The following KSR1 variants were observed in gnomAD, a reference collection of about 807,000 sequenced individuals.
The protein encoded by KSR1 is kinase suppressor of ras.
KSR1 carries 35 observed loss-of-function variants against 92.9 expected under a neutral mutation model. The observed-to-expected ratio is 0.38, with a 90% CI of 0.29 to 0.50. The LOEUF is 0.50. KSR1 is among the 20% of genes least tolerant of loss of function. The probability of loss-of-function intolerance (pLI) is 0.94; values close to 1 mark genes in which losing one functional copy is unlikely to be tolerated. For synonymous variants in KSR1, 467 were observed against 472.6 expected, an observed-to-expected ratio of 0.99 and a Z score of 0.15; for missense variants, 972 against 1,158.5, an observed-to-expected ratio of 0.84 and a Z score of 2.34.
intron 10 of KSR1, 147 bp downstream of exon 10, chr17:27,597,583 A>G (rs914360405): frequency 1.8e-5 from 15 of 843,848 alleles, no homozygotes; most frequent in African/African-American, 1.5e-4. Context: ...CCCAAGCACA[A>G]TAGCTCTGAG....
At chr17:27,477,673 C>T (rs1391724118) in intron 1 of KSR1, among the ~76,000 whole-genome samples, 1 of 152,046 alleles carries the variant, frequency 6.6e-6, no homozygotes, top group African/African-American at 2.4e-5. Context: ...ATAGCCCCTC[C>T]ACTTCTACGC....
chr17:27,497,030 G>A (rs981136031), intron 1 of KSR1, among the ~76,000 whole-genome samples: 2 of 152,218 alleles, frequency 1.3e-5, no homozygotes, highest in East Asian at 1.9e-4. Flanking sequence ...TTTTCTAGGG[G>A]CAGCAGTAAG....
At chr17:27,488,342 C>T (rs974292884) in intron 1 of KSR1, among the ~76,000 whole-genome samples, 2 of 151,956 alleles carry the variant, frequency 1.3e-5, no homozygotes, top group Non-Finnish European at 2.9e-5. Context: ...TTTTTTACTT[C>T]TGTCTGGCTC....
At chr17:27,498,743 C>T (rs771311188) in intron 1 of KSR1, among the ~76,000 whole-genome samples, 2 of 152,146 alleles carry the variant, frequency 1.3e-5, no homozygotes, top group Non-Finnish European at 2.9e-5. Flanking sequence ...CCTAGCAAAG[C>T]CCCACTGGAA....
chr17:27,623,256 C>A, intron 20 of KSR1, 58 bp from the exon 21 acceptor site: 1 of 735,376 alleles, frequency 1.4e-6, no homozygotes. Flanking sequence ...GCTAGTGTTA[C>A]CCTAATTCTG....
chr17:27,512,700 G>A (rs139330149), intron 1 of KSR1, among the ~76,000 whole-genome samples: 2,475 of 152,298 alleles, frequency 0.016, 58 homozygotes, highest in African/African-American at 0.056. Flanking sequence ...TCCAGCTTGG[G>A]CAACAGACCA....
intron 1 of KSR1, among the ~76,000 whole-genome samples, chr17:27,482,107 A>G (rs2068529542): frequency 6.6e-6 from 1 of 152,210 alleles, no homozygotes; most frequent in South Asian, 2.1e-4. Context: ...CTGAGAAAGA[A>G]GAACTATTAT....
intron 18 of KSR1, among the ~76,000 whole-genome samples, chr17:27,615,553 T>C (rs151099361): frequency 3.3e-4 from 51 of 152,352 alleles, no homozygotes; most frequent in African/African-American, 1.2e-3. Flanking sequence ...CTTTCTCATA[T>C]TCCTGAGGTC....
At chr17:27,521,759 G>A (rs1445208445) in intron 1 of KSR1, among the ~76,000 whole-genome samples, 1 of 152,214 alleles carries the variant, frequency 6.6e-6, no homozygotes, top group East Asian at 1.9e-4. Flanking sequence ...GATGGAGGCA[G>A]GTGGGTTAGA....
chr17:27,563,322 G>C (rs1469905226), intron 2 of KSR1, among the ~76,000 whole-genome samples: 2 of 151,946 alleles, frequency 1.3e-5, no homozygotes, highest in Non-Finnish European at 2.9e-5. Flanking sequence ...GGAGTGTAGT[G>C]GTGCAATCAT....
intron 1 of KSR1, among the ~76,000 whole-genome samples, chr17:27,515,078 A>G (rs565275863): frequency 8.9e-4 from 135 of 152,334 alleles, no homozygotes; most frequent in Admixed American, 8.0e-3. Context: ...GAGGATGGAC[A>G]TGGGGAGGCA....
chr17:27,507,916 C>A (rs997968634), intron 1 of KSR1, among the ~76,000 whole-genome samples: 1 of 152,172 alleles, frequency 6.6e-6, no homozygotes, highest in Non-Finnish European at 1.5e-5. Context: ...ATACCAAGTA[C>A]ATCTCTTGGA....
chr17:27,498,028 C>T (rs982250213), intron 1 of KSR1, among the ~76,000 whole-genome samples: 1 of 152,138 alleles, frequency 6.6e-6, no homozygotes, highest in Non-Finnish European at 1.5e-5. Flanking sequence ...TAATATTTTA[C>T]CCTTAAAAAT....
At chr17:27,593,249 G>T (rs543130727) in intron 9 of KSR1, among the ~76,000 whole-genome samples, 72 of 152,384 alleles carry the variant, frequency 4.7e-4, no homozygotes, top group African/African-American at 1.7e-3. Flanking sequence ...CCCCCAGGAG[G>T]GTTGGCACAC....
intron 1 of KSR1, among the ~76,000 whole-genome samples, chr17:27,520,763 G>A (rs1036184504): frequency 2.6e-5 from 4 of 152,192 alleles, no homozygotes; most frequent in African/African-American, 4.8e-5. Context: ...TCCTTTTCCC[G>A]AGGGTGGGGC....
chr17:27,508,320 C>G (rs2069469777), intron 1 of KSR1, among the ~76,000 whole-genome samples: 1 of 152,206 alleles, frequency 6.6e-6, no homozygotes, highest in East Asian at 1.9e-4. Flanking sequence ...TTATCATTGA[C>G]TGGGTGCCTA....
At chr17:27,520,402 ATTAATTT>A (rs1245686632) in intron 1 of KSR1, among the ~76,000 whole-genome samples, 1 of 152,208 alleles carries the variant, frequency 6.6e-6, no homozygotes, top group Admixed American at 6.5e-5. Context: ...GAGGGGGAGA[ATTAATTT>A]TTTCCCCTCC....
chr17:27,567,547 G>A (rs1237317787), intron 2 of KSR1, among the ~76,000 whole-genome samples: 3 of 152,194 alleles, frequency 2.0e-5, no homozygotes, highest in East Asian at 1.9e-4. Flanking sequence ...GTGAGGCCAC[G>A]AGCCCAGAGC....
At chr17:27,518,491 A>C (rs528474857) in intron 1 of KSR1, among the ~76,000 whole-genome samples, 6 of 152,194 alleles carry the variant, frequency 3.9e-5, no homozygotes, top group African/African-American at 1.2e-4. Flanking sequence ...GTTTCTGTTA[A>C]CTCTGGTGTT....
Sources: gnomAD v4.1 joint callset for allele counts (sites outside exome capture counted in the v4.1 genomes callset) on GRCh38, gnomAD v4.1.1 for gene constraint, MANE v1.5 for transcripts, NCBI Gene and HGNC (gene_info 2026-07-23, HGNC 2026-07-21) for gene names.